Variants in KIF13A observed in about 807,000 individuals in gnomAD.
KIF13A encodes the protein kinesin family member 13A, also known as kinesin-like protein KIF13A.
In KIF13A, 79 loss-of-function variants were observed where a neutral mutation model predicts 212.2. That is an observed-to-expected ratio of 0.37 (90% confidence interval 0.31 to 0.45). The LOEUF is 0.45. KIF13A is among the 20% of genes least tolerant of loss of function. The pLI is 1.00. For synonymous variants in KIF13A, 789 were observed against 808.6 expected, an observed-to-expected ratio of 0.98 and a Z score of 0.41; for missense variants, 1,901 against 2,209.0, an observed-to-expected ratio of 0.86 and a Z score of 2.79.
chr6:17,846,523 T>G lies in KIF13A; in HGVS notation c.830+2854A>C, dbSNP rs535491578. 3.6e-4 allele frequency among the ~76,000 whole-genome samples: 54 copies of G among 151,048 alleles called. 1 individual carries two copies. The highest frequency in any genetic ancestry group is 1.2e-3 in the African/African-American group (50 of 41,072). ...TGGCTCACACCTATAACCCTAGCACTTTGGGAGGCCAAGATGGGAAAATTG... is the reference window on the plus strand; with the variant it reads ...TGGCTCACACCTATAACCCTAGCACGTTGGGAGGCCAAGATGGGAAAATTG... On this transcript the variant is annotated intron_variant, in intron 9 of 38. Coordinates refer to ENST00000259711, the MANE Select transcript of KIF13A (RefSeq NM_022113.6).
At chr6:17,800,601 T>C (rs1404648964) in intron 20 of KIF13A, among the ~76,000 whole-genome samples, 1 of 95,454 alleles carries the variant, frequency 1.0e-5, no homozygotes, top group African/African-American at 3.5e-5. Context: ...CACGCCCAGC[T>C]AATTTTTTTT....
At position 17,963,703 on chromosome 6, in the gene KIF13A, C is replaced by T. The variant is rs1045870447; in HGVS notation, c.146+23351G>A. Among the ~76,000 whole-genome samples the T allele has an allele frequency of 1.3e-5, 2 of 152,066 alleles. No homozygotes were observed. The highest frequency in any genetic ancestry group is 2.9e-5 in the Non-Finnish European group (2 of 68,020). On this transcript the variant is annotated intron_variant, in intron 2 of 38. Transcript: ENST00000259711. The surrounding 1 kb of genome is among the most constrained non-coding windows in gnomAD (Gnocchi z 4.1). ...TCCCAAGTAGCTGGGATTACAGGCA[C>T]GCGCCACCACGCCCTGCTAATTTTT...
downstream of KIF13A, chr6:17,760,456 A>AT (rs961754882): frequency 1.2e-5 from 2 of 167,814 alleles, no homozygotes; most frequent in Non-Finnish European, 2.6e-5. Context: ...TATATTATTT[A>AT]TAAAAAACAG....
At position 17,829,912 on chromosome 6, in the gene KIF13A, C is replaced by T. The variant is rs1765295694; in HGVS notation, c.1401+1189G>A. Among the ~76,000 whole-genome samples, 1 of 152,106 alleles carries T rather than the reference C, an allele frequency of 6.6e-6. No individual in the cohort carries two copies. The highest frequency in any genetic ancestry group is 1.9e-4 in the East Asian group (1 of 5,158). On this transcript the variant is annotated intron_variant, in intron 13 of 38. Coordinates refer to ENST00000259711, the MANE Select transcript of KIF13A (RefSeq NM_022113.6). The surrounding 1 kb of genome is among the most constrained non-coding windows in gnomAD (Gnocchi z 5.4). ...CAGATCAGAATCCTTAACAAGGTGTCTCACTGTTCTCAAGCAGGCAATACC... is the reference window on the plus strand; with the variant it reads ...CAGATCAGAATCCTTAACAAGGTGTTTCACTGTTCTCAAGCAGGCAATACC...
intron 14 of KIF13A, among the ~76,000 whole-genome samples, chr6:17,827,499 A>G (rs932882724): frequency 6.8e-6 from 1 of 147,856 alleles, no homozygotes; most frequent in Non-Finnish European, 1.5e-5. Context: ...GGGTTTCATT[A>G]TATTATTCTC....
In KIF13A at chr6:17,816,910, A is replaced by G. The variant is rs1375089406; in HGVS notation, c.2000+110T>C. On this transcript the variant is annotated intron_variant, in intron 17 of 38. Transcript: ENST00000259711. The surrounding 1 kb of genome is among the most constrained non-coding windows in gnomAD (Gnocchi z 4.3). ...AATTGGCAATATCACGTATGGGATT[A>G]AGAGTTCTCTTGTTGCTAGGTTTGT... is the stretch of plus-strand genomic sequence containing the variant. The G allele has an allele frequency of 2.6e-5, 20 of 763,774 alleles. No individual in the cohort carries two copies. The highest frequency in any genetic ancestry group is 2.5e-5 in the Non-Finnish European group (12 of 479,760). The allele number at this position is 763,774 out of a possible 1,614,324, so 47.3% of individuals were successfully genotyped here. A position where few individuals can be genotyped will look rare whatever the true frequency, so the allele number is the denominator to read the frequency against.
chr6:17,862,670 CG>C (rs1768917260), intron 4 of KIF13A, among the ~76,000 whole-genome samples: 1 of 151,934 alleles, frequency 6.6e-6, no homozygotes, highest in African/African-American at 2.4e-5. Flanking sequence ...AGGTATGAGC[CG>C]GGCATGGTGG....
rs1423662370 is a variant in KIF13A at position 17,961,795 on chromosome 6, C to G, written c.146+25259G>C. Among the ~76,000 whole-genome samples the G allele has an allele frequency of 2.0e-5, 3 of 152,196 alleles. No individual in the cohort carries two copies. The highest frequency in any genetic ancestry group is 4.4e-5 in the Non-Finnish European group (3 of 68,032). On this transcript the variant is annotated intron_variant, in intron 2 of 38. Coordinates refer to ENST00000259711, the MANE Select transcript of KIF13A (RefSeq NM_022113.6). This position sits in a 1 kb window ranked among gnomAD's most constrained non-coding sequence, Gnocchi z 4.1. ...GACATAGACTGCAGCGCACACCAGG[C>G]GTCTTACCTCTAGTTTCAAATTCTT...
chr6:17,785,387 G>A lies in KIF13A; in HGVS notation c.3488+128C>T. On this transcript the variant is annotated intron_variant, in intron 28 of 38. Coordinates refer to ENST00000259711, the MANE Select transcript of KIF13A (RefSeq NM_022113.6). This position sits in a 1 kb window ranked among gnomAD's most constrained non-coding sequence, Gnocchi z 5.8. ...GGGATGGAAGCATTAGAGATGAGTG[G>A]ACATTCCCTAAGTAGTTCAGCTGGT... The A allele has an allele frequency of 9.5e-7, 1 of 1,047,146 alleles. No homozygotes were observed. Among genetic ancestry groups the A allele is most frequent in the Non-Finnish European group, 1.3e-6 (1 of 757,986 alleles). 64.9% of individuals were successfully genotyped at this position (1,047,146 alleles called of 1,614,324 possible).
Position 17,987,385 on chromosome 6 carries a change from A to G in KIF13A, c.55+24T>C, listed in dbSNP as rs1056070427. ...CCCCGCCCTCAGCCCGAGCAGAAAT[A>G]AAAAAGAGCGGAAAGCTCCTCACCT... On this transcript the variant is annotated intron_variant, in intron 1 of 38. Transcript: ENST00000259711. The surrounding 1 kb of genome is among the most constrained non-coding windows in gnomAD (Gnocchi z 7.7). 7.4e-7 allele frequency: 1 copy of G among 1,351,586 alleles called. No individual in the cohort carries two copies. The highest frequency in any genetic ancestry group is 9.8e-7 in the Non-Finnish European group (1 of 1,022,342). 83.7% of individuals were successfully genotyped at this position (1,351,586 alleles called of 1,614,324 possible).
chr6:17,770,760 C>G lies in KIF13A; in HGVS notation c.4581+354G>C, dbSNP rs989530277. 1.5e-5 allele frequency: 15 copies of G among 980,740 alleles called. No individual in the cohort carries two copies. In the African/African-American group the frequency reaches 2.6e-4, roughly 17 times the overall value. 60.8% of individuals were successfully genotyped at this position (980,740 alleles called of 1,614,324 possible). A position where few individuals can be genotyped will look rare whatever the true frequency, so the allele number is the denominator to read the frequency against. On this transcript the variant is annotated intron_variant, in intron 38 of 38. Coordinates refer to ENST00000259711, the MANE Select transcript of KIF13A (RefSeq NM_022113.6). Reference sequence around the variant, plus strand: ...TGATTACTTACTCCAAGTAAGTGCACTTCCTCTAGGTAGATTAACTTCAGA... The same window carrying G: ...TGATTACTTACTCCAAGTAAGTGCAGTTCCTCTAGGTAGATTAACTTCAGA...
At chr6:17,969,306 G>C (rs78259790) in intron 2 of KIF13A, among the ~76,000 whole-genome samples, 2,938 of 152,292 alleles carry the variant, frequency 0.019, 42 homozygotes, top group Non-Finnish European at 0.031. Context: ...ACCTCCAATC[G>C]TGATATCTTC....
intron 17 of KIF13A, chr6:17,812,760 T>C (rs1054351657): frequency 7.9e-5 from 12 of 152,226 alleles, no homozygotes; most frequent in African/African-American, 2.7e-4. Flanking sequence ...CCGCATTGCT[T>C]TCCACAATGA....
chr6:17,925,821 T>TA (rs1659609817), intron 2 of KIF13A, among the ~76,000 whole-genome samples: 2 of 152,336 alleles, frequency 1.3e-5, no homozygotes, highest in South Asian at 4.1e-4. Flanking sequence ...GAAGGGTTTT[T>TA]CAGGAGTAAG....
At chr6:17,869,534 G>A (rs956488744) in intron 4 of KIF13A, among the ~76,000 whole-genome samples, 18 of 152,054 alleles carry the variant, frequency 1.2e-4, no homozygotes, top group African/African-American at 4.1e-4. Context: ...TAACTCACCC[G>A]GCCTTACACA....
In KIF13A at chr6:17,856,156, AAAGAAT is replaced by A. The variant is rs1454094705; in HGVS notation, c.221-40_221-35del. ...CAAGACAAATATTAAAAACTAATAA[AAAGAAT>A]AATTTTTCTTGACATATTTGTGTTA... On this transcript the variant is annotated intron_variant, in intron 4 of 38. Transcript: ENST00000259711. This position sits in a 1 kb window ranked among gnomAD's most constrained non-coding sequence, Gnocchi z 4.5. 2.2e-6 allele frequency: 3 copies of A among 1,376,360 alleles called. No homozygotes were observed. The highest frequency in any genetic ancestry group is 3.1e-6 in the Non-Finnish European group (3 of 979,552). The allele number at this position is 1,376,360 out of a possible 1,614,324, so 85.3% of individuals were successfully genotyped here.
chr6:17,901,546 C>T (rs1396643513), intron 2 of KIF13A, among the ~76,000 whole-genome samples: 1 of 152,124 alleles, frequency 6.6e-6, no homozygotes, highest in Non-Finnish European at 1.5e-5. Flanking sequence ...AAGAATTTTC[C>T]ACTGGGACAG....
At chr6:17,827,406 AAGG>A (rs771229082) in intron 14 of KIF13A, among the ~76,000 whole-genome samples, 9 of 151,002 alleles carry the variant, frequency 6.0e-5, no homozygotes, top group Non-Finnish European at 1.2e-4. Flanking sequence ...CTGCTTTAGG[AAGG>A]AGGAGGAGAT....
At position 17,967,883 on chromosome 6, in the gene KIF13A, GTC is replaced by G. The variant is rs1417147302; in HGVS notation, c.146+19169_146+19170del. 1.3e-5 allele frequency among the ~76,000 whole-genome samples: 2 copies of G among 152,178 alleles called. No individual in the cohort carries two copies. The highest frequency in any genetic ancestry group is 4.8e-5 in the African/African-American group (2 of 41,432). On this transcript the variant is annotated intron_variant, in intron 2 of 38. Coordinates refer to ENST00000259711, the MANE Select transcript of KIF13A (RefSeq NM_022113.6). This position sits in a 1 kb window ranked among gnomAD's most constrained non-coding sequence, Gnocchi z 4.1. Reference sequence around the variant, plus strand: ...AGTCTGTAAAAGCTTACTTAATAAAGTCTGTGAAGGTCTTAATAAATGCTTAA... The same window carrying G: ...AGTCTGTAAAAGCTTACTTAATAAAGTGTGAAGGTCTTAATAAATGCTTAA...
Sources: gnomAD v4.1 joint callset for allele counts (sites outside exome capture counted in the v4.1 genomes callset) on GRCh38, gnomAD v4.1.1 for gene constraint, Gnocchi (gnomAD v3.1) non-coding constraint, MANE v1.5 for transcripts, NCBI Gene and HGNC (gene_info 2026-07-23, HGNC 2026-07-21) for gene names.